Variants in ANK1 observed in about 807,000 individuals in gnomAD.
ANK1 encodes the protein ankyrin 1.
A neutral mutation model predicts 210.4 loss-of-function variants in ANK1; 51 were observed. The ratio of observed to expected loss-of-function variants is 0.24; its 90% CI spans 0.19 to 0.31. The LOEUF is 0.31. Among genes scored for constraint, ANK1 ranks in the 10% least tolerant of loss-of-function variants. The probability of loss-of-function intolerance (pLI) is 1.00; values close to 1 mark genes in which losing one functional copy is unlikely to be tolerated. For missense variants in ANK1, 2,051 were observed against 2,504.4 expected (o/e 0.82, Z 3.86); for synonymous variants, 967 against 1,025.9 (o/e 0.94, Z 1.10).
chr8:41,837,765 G>T (rs1185074885), intron 1 of ANK1, among the ~76,000 whole-genome samples: 1 of 152,128 alleles, frequency 6.6e-6, no homozygotes, highest in Admixed American at 6.6e-5. Context: ...CAGCTACTCA[G>T]GAGGCTGAGG....
At chr8:41,752,798 G>GCC (rs55895448) in intron 2 of ANK1, among the ~76,000 whole-genome samples, 44,625 of 145,572 alleles carry the variant, frequency 0.31, 7,583 homozygotes, top group East Asian at 0.63. Context: ...GCACACACAG[G>GCC]CCCCCCCCCA....
At chr8:41,839,809 A>G (rs1360109004) in intron 1 of ANK1, among the ~76,000 whole-genome samples, 2 of 152,198 alleles carry the variant, frequency 1.3e-5, no homozygotes, top group Non-Finnish European at 2.9e-5. Context: ...GGCATCCTGG[A>G]TGGGACCCTA....
intron 1 of ANK1, chr8:41,829,080 A>C (rs914974032): frequency 2.0e-5 from 3 of 152,228 alleles, no homozygotes; most frequent in Admixed American, 2.0e-4. Context: ...TGCTCACCGG[A>C]CACCCTGCCG....
intron 1 of ANK1, among the ~76,000 whole-genome samples, chr8:41,762,839 T>C (rs1357841553): frequency 6.6e-6 from 1 of 152,206 alleles, no homozygotes; most frequent in Non-Finnish European, 1.5e-5. Context: ...GCTGAAAACC[T>C]GAGAATGGGT....
chr8:41,824,632 G>A (rs79551187), intron 1 of ANK1, among the ~76,000 whole-genome samples: 1,826 of 152,232 alleles, frequency 0.012, 49 homozygotes, highest in African/African-American at 0.042. Context: ...GATGGGTCAC[G>A]AATTCTAAAT....
intron 16 of ANK1, among the ~76,000 whole-genome samples, chr8:41,713,549 GT>G (rs1826769566): frequency 6.6e-6 from 1 of 152,242 alleles, no homozygotes; most frequent in Non-Finnish European, 1.5e-5. Context: ...TCACATTCAG[GT>G]GAGCCTCCCT....
intron 1 of ANK1, among the ~76,000 whole-genome samples, chr8:41,804,698 A>G (rs1035505777): frequency 6.6e-6 from 1 of 152,352 alleles, no homozygotes; most frequent in East Asian, 1.9e-4. Context: ...TTAGGAGATC[A>G]ATATTTTTAG....
chr8:41,807,971 A>AGGAGGAGGAGG (rs1202047121), intron 1 of ANK1, among the ~76,000 whole-genome samples: 8 of 145,512 alleles, frequency 5.5e-5, no homozygotes, highest in African/African-American at 2.0e-4. Context: ...GGAGGAGGGG[A>AGGAGGAGGAGG]GGAGGAGGAG....
At chr8:41,839,030 T>C (rs940247999) in intron 1 of ANK1, among the ~76,000 whole-genome samples, 7 of 152,198 alleles carry the variant, frequency 4.6e-5, no homozygotes, top group African/African-American at 1.7e-4. Context: ...TGAGCCGAGA[T>C]GGCACCACTG....
At chr8:41,805,305 C>T (rs1407546762) in intron 1 of ANK1, among the ~76,000 whole-genome samples, 1 of 151,764 alleles carries the variant, frequency 6.6e-6, no homozygotes, top group East Asian at 1.9e-4. Context: ...CACATTGTTA[C>T]AATCATGGCT....
At chr8:41,863,206 A>T (rs1813643315) in intron 1 of ANK1, among the ~76,000 whole-genome samples, 1 of 151,718 alleles carries the variant, frequency 6.6e-6, no homozygotes, top group South Asian at 2.1e-4. Flanking sequence ...AAAATACAAA[A>T]AAATTAGCTG....
At chr8:41,892,594 C>T (rs556948151) in intron 1 of ANK1, among the ~76,000 whole-genome samples, 1 of 152,318 alleles carries the variant, frequency 6.6e-6, no homozygotes, top group East Asian at 1.9e-4. Flanking sequence ...GTGGTGGAAT[C>T]CACTGCACCA....
intron 1 of ANK1, among the ~76,000 whole-genome samples, chr8:41,763,875 T>C (rs1369827672): frequency 2.6e-5 from 3 of 117,238 alleles, no homozygotes; most frequent in Non-Finnish European, 5.1e-5. Context: ...TCTTCTTTCT[T>C]TTTTTCTTTT....
At chr8:41,865,484 G>A (rs555972996) in intron 1 of ANK1, among the ~76,000 whole-genome samples, 67 of 151,996 alleles carry the variant, frequency 4.4e-4, no homozygotes, top group Non-Finnish European at 5.0e-4. Context: ...TCTGTGCTCC[G>A]AGGCCTCCCA....
At chr8:41,723,302 A>G in intron 8 of ANK1, 79 bp from the exon 9 acceptor site, 4 of 1,468,078 alleles carry the variant, frequency 2.7e-6, no homozygotes, top group Non-Finnish European at 3.8e-6. Flanking sequence ...TGCCTATGGC[A>G]TCATCCCAGC....
chr8:41,795,185 C>T (rs554776670), intron 1 of ANK1, among the ~76,000 whole-genome samples: 3 of 152,248 alleles, frequency 2.0e-5, no homozygotes, highest in Admixed American at 2.0e-4. Flanking sequence ...ACTGGCAGAA[C>T]CATTTTGGGG....
At chr8:41,673,023 G>T in intron 37 of ANK1, 111 bp from the exon 38 acceptor site, 1 of 1,162,064 alleles carries the variant, frequency 8.6e-7, no homozygotes, top group Non-Finnish European at 1.2e-6. Flanking sequence ...CGGCCACAGA[G>T]ATGCATGCAC....
chr8:41,875,093 G>T (rs1340824755), intron 1 of ANK1, among the ~76,000 whole-genome samples: 1 of 152,182 alleles, frequency 6.6e-6, no homozygotes, highest in African/African-American at 2.4e-5. Flanking sequence ...GCAGAGCTGA[G>T]CTGGAAAGGG....
rs534202795 is a variant in ANK1, at chr8:41,793,400, A to T, written c.27+4112T>A. 1.1e-4 allele frequency among the ~76,000 whole-genome samples: 17 copies of T among 152,346 alleles called. No individual in the cohort carries two copies. In the South Asian group the frequency reaches 1.7e-3, roughly 15 times the overall value. ...GTCTCAAACAAACAAACAATAAAAA[A>T]AAATAAATACAACAGTGCAGGATCA... On this transcript the variant is annotated intron_variant, in intron 1 of 42. Coordinates refer to ENST00000289734, the MANE Select transcript of ANK1 (RefSeq NM_000037.4).
Sources: allele counts gnomAD v4.1 joint callset (sites outside exome capture counted in the v4.1 genomes callset), GRCh38; gene constraint gnomAD v4.1.1; transcripts MANE v1.5; gene names NCBI Gene and HGNC (gene_info 2026-07-23, HGNC 2026-07-21).